CD2AP: variants seen among roughly 807,000 people sequenced by gnomAD.
CD2AP encodes the protein CD2-associated protein.
Under a neutral mutation model 85.1 loss-of-function variants are expected in CD2AP, and 46 were observed. That is an observed-to-expected ratio of 0.54 (90% confidence interval 0.43 to 0.69). CD2AP has a LOEUF of 0.69. CD2AP is among the 30% of genes least tolerant of loss of function. CD2AP has a pLI of 0.00. For synonymous variants in CD2AP, 255 were observed against 252.9 expected, an observed-to-expected ratio of 1.01 and a Z score of -0.08; for missense variants, 769 against 729.5, an observed-to-expected ratio of 1.05 and a Z score of -0.62.
Position 47,596,773 on chromosome 6 carries a change from C to T in CD2AP, c.1274+747C>T, listed in dbSNP as rs563120186. On this transcript the variant is annotated intron_variant, in intron 12 of 17. Transcript: ENST00000359314. ...TGATTTTATTTCCTTTGGATATGGA[C>T]CCAGTAATGGAATTGCTAGATCATA... 3.3e-5 allele frequency among the ~76,000 whole-genome samples: 5 copies of T among 151,934 alleles called. No homozygotes were observed. The South Asian group carries it at 1.0e-3, about 32-fold the overall frequency.
intron 17 of CD2AP, among the ~76,000 whole-genome samples, chr6:47,615,074 C>T (rs151001550): frequency 3.4e-3 from 513 of 152,152 alleles, no homozygotes; most frequent in Middle Eastern, 6.8e-3. Flanking sequence ...TTTCATACTC[C>T]CTTCTGTTTT....
At chr6:47,604,476 C>T (rs1293695901) in intron 13 of CD2AP, among the ~76,000 whole-genome samples, 1 of 151,664 alleles carries the variant, frequency 6.6e-6, no homozygotes, top group African/African-American at 2.4e-5. Flanking sequence ...TTTGTCTTTT[C>T]CTGTGTTTTT....
At chr6:47,505,259 G>A (rs989891596) in intron 2 of CD2AP, among the ~76,000 whole-genome samples, 11 of 147,622 alleles carry the variant, frequency 7.5e-5, no homozygotes, top group Non-Finnish European at 1.5e-4. Context: ...TCAAGCATCT[G>A]TTTAACAAAG....
chr6:47,506,439 G>C (rs1766167513), intron 2 of CD2AP, among the ~76,000 whole-genome samples: 1 of 31,744 alleles, frequency 3.2e-5, no homozygotes, highest in South Asian at 1.1e-3. Flanking sequence ...ACTTTGGGAG[G>C]CCAAGGCAGG....
intron 5 of CD2AP, among the ~76,000 whole-genome samples, chr6:47,565,996 G>A (rs1767982594): frequency 6.6e-6 from 1 of 151,748 alleles, no homozygotes; most frequent in Admixed American, 6.6e-5. Flanking sequence ...TTTCCCCTTT[G>A]TTCACATTGG....
intron 2 of CD2AP, among the ~76,000 whole-genome samples, chr6:47,527,075 C>G (rs1369782525): frequency 1.3e-5 from 2 of 150,478 alleles, no homozygotes; most frequent in Non-Finnish European, 2.9e-5. Flanking sequence ...AAATTCTCTA[C>G]CCACTTAACT....
chr6:47,598,948 A>G (rs1769029036), intron 12 of CD2AP, among the ~76,000 whole-genome samples: 4 of 150,748 alleles, frequency 2.7e-5, no homozygotes, highest in African/African-American at 9.7e-5. Context: ...AAAAAAATAC[A>G]GGAGCATTCT....
chr6:47,555,973 A>G (rs192452960), intron 5 of CD2AP, among the ~76,000 whole-genome samples: 4 of 152,138 alleles, frequency 2.6e-5, no homozygotes, highest in Admixed American at 2.6e-4. Context: ...ATTAAGTAGG[A>G]AAACATAAAG....
At chr6:47,545,147 A>G (rs1309247480) in intron 4 of CD2AP, 3 of 176,862 alleles carry the variant, frequency 1.7e-5, no homozygotes, top group Non-Finnish European at 3.6e-5. Context: ...TTAAAAATAG[A>G]TCATGGACAG....
chr6:47,583,226 G>A, intron 11 of CD2AP, among the ~76,000 whole-genome samples: 1 of 152,070 alleles, frequency 6.6e-6, no homozygotes, highest in East Asian at 1.9e-4. Flanking sequence ...TACCAGAGTG[G>A]CATATTTGTT....
chr6:47,618,586 G>A (rs1003974057), intron 17 of CD2AP, among the ~76,000 whole-genome samples: 4 of 152,134 alleles, frequency 2.6e-5, no homozygotes, highest in African/African-American at 9.7e-5. Flanking sequence ...TTCGCAGCAT[G>A]TAATGTAGAA....
intron 1 of CD2AP, among the ~76,000 whole-genome samples, chr6:47,498,931 A>G (rs1002772875): frequency 1.3e-5 from 2 of 152,228 alleles, no homozygotes; most frequent in Admixed American, 6.5e-5. Context: ...CATTTAAGAA[A>G]TTAACATTGA....
At chr6:47,609,035 CTTAA>C in intron 15 of CD2AP, 84 bp from the exon 16 acceptor site, 3 of 1,049,024 alleles carry the variant, frequency 2.9e-6, no homozygotes, top group East Asian at 2.6e-5. Flanking sequence ...TCTTGAAGTA[CTTAA>C]TTGTTTTTCT....
chr6:47,587,527 A>G (rs1377627891), intron 11 of CD2AP, among the ~76,000 whole-genome samples: 2 of 152,180 alleles, frequency 1.3e-5, no homozygotes, highest in Non-Finnish European at 2.9e-5. Context: ...TCCCAGAAGT[A>G]CCTAAAATCC....
At chr6:47,624,069 G>T (rs755315195) in intron 17 of CD2AP, 117 bp from the exon 18 acceptor site, 9 of 830,878 alleles carry the variant, frequency 1.1e-5, no homozygotes, top group African/African-American at 1.7e-5. Context: ...TGGATTTTAG[G>T]TCTGGAAAAA....
At chr6:47,530,069 T>C (rs373444130) in intron 2 of CD2AP, among the ~76,000 whole-genome samples, 42 of 152,364 alleles carry the variant, frequency 2.8e-4, no homozygotes, top group African/African-American at 9.9e-4. Flanking sequence ...TCTGTCTCAG[T>C]AGAGATGTCA....
chr6:47,582,863 A>T (rs1266423221), intron 11 of CD2AP, among the ~76,000 whole-genome samples: 1 of 150,984 alleles, frequency 6.6e-6, no homozygotes, highest in African/African-American at 2.4e-5. Context: ...GCTCACTGCA[A>T]GCTCCGCCTC....
chr6:47,505,874 A>G (rs1766144836), intron 2 of CD2AP, among the ~76,000 whole-genome samples: 3 of 109,986 alleles, frequency 2.7e-5, no homozygotes, highest in African/African-American at 7.7e-5. Flanking sequence ...TCCCTCCCGG[A>G]TGGGGCGGCT....
chr6:47,535,865 C>A (rs1170352704), intron 3 of CD2AP, among the ~76,000 whole-genome samples: 1 of 152,144 alleles, frequency 6.6e-6, no homozygotes, highest in Non-Finnish European at 1.5e-5. Context: ...TTCTTTCACT[C>A]TAGGGAGCTA....
Sources: allele counts gnomAD v4.1 joint callset (sites outside exome capture counted in the v4.1 genomes callset), GRCh38; gene constraint gnomAD v4.1.1; transcripts MANE v1.5; gene names NCBI Gene and HGNC (gene_info 2026-07-23, HGNC 2026-07-21).